The following GPHN variants were observed in gnomAD, a reference collection of about 807,000 sequenced individuals.
The protein encoded by GPHN is gephyrin.
GPHN carries 17 observed loss-of-function variants against 95.5 expected under a neutral mutation model. The observed-to-expected ratio is 0.18, with a 90% CI of 0.12 to 0.27. The LOEUF is 0.27. Among genes scored for constraint, GPHN ranks in the 10% least tolerant of loss-of-function variants. The probability of loss-of-function intolerance (pLI) is 1.00; values close to 1 mark genes in which losing one functional copy is unlikely to be tolerated. For synonymous variants in GPHN, 320 were observed against 322.5 expected (o/e 0.99, Z 0.08); for missense variants, 660 against 978.1 (o/e 0.67, Z 4.34).
chr14:67,325,803 T>C, the GPHN span, among the ~76,000 whole-genome samples: 5 of 148,644 alleles, frequency 3.4e-5, no homozygotes, highest in African/African-American at 1.3e-4. Flanking sequence ...ATGTTAAACA[T>C]GTTAAGCATC....
chr14:67,037,797 A>G (rs2074497066), intron 10 of GPHN, among the ~76,000 whole-genome samples: 1 of 151,908 alleles, frequency 6.6e-6, no homozygotes. Context: ...AAAAAATAGA[A>G]AATAACAAGT....
At chr14:67,384,329 T>G in the GPHN span, 3 of 152,136 alleles carry the variant, frequency 2.0e-5, no homozygotes, top group Non-Finnish European at 2.9e-5. Context: ...CTCCAGTTCT[T>G]TATAACAAAA....
the GPHN span, among the ~76,000 whole-genome samples, chr14:67,368,860 A>G: frequency 0.08 from 12,237 of 152,202 alleles, 1,157 homozygotes; most frequent in African/African-American, 0.23. Context: ...ATCTCTAGAA[A>G]TAAGTAAGTA....
chr14:67,555,459 A>G, the GPHN span, among the ~76,000 whole-genome samples: 1 of 152,128 alleles, frequency 6.6e-6, no homozygotes. Flanking sequence ...CTTCGACCCA[A>G]TGCTGAGAGG....
At chr14:67,439,537 C>CTTTCTTTCTT in the GPHN span, among the ~76,000 whole-genome samples, 268 of 43,034 alleles carry the variant, frequency 6.2e-3, 2 homozygotes, top group African/African-American at 0.032. Flanking sequence ...TCAATAGTTT[C>CTTTCTTTCTT]TTTCTTTCTT....
In GPHN at chr14:66,673,369, G is replaced by T. The variant is rs112472564; in HGVS notation, c.65-7738G>T. Reference sequence around the variant, plus strand: ...GGCCTCCCAAAGTGCCGGAAATACAGGTGTGAGCCACCACGCCCTGCCTGT... The same window carrying T: ...GGCCTCCCAAAGTGCCGGAAATACATGTGTGAGCCACCACGCCCTGCCTGT... On this transcript the variant is annotated intron_variant, in intron 1 of 22. Transcript: ENST00000478722. Among the ~76,000 whole-genome samples the T allele has an allele frequency of 3.7e-3, 556 of 152,090 alleles. 12 individuals carry two copies. The highest frequency in any genetic ancestry group is 0.013 in the African/African-American group (530 of 41,480).
At chr14:67,259,463 T>C in the GPHN span, among the ~76,000 whole-genome samples, 1 of 151,726 alleles carries the variant, frequency 6.6e-6, no homozygotes, top group Admixed American at 6.6e-5. Context: ...ATATAAAAAA[T>C]CAGCCGGGTG....
intron 1 of GPHN, among the ~76,000 whole-genome samples, chr14:66,596,560 T>C (rs933896612): frequency 1.3e-5 from 2 of 152,142 alleles, no homozygotes; most frequent in African/African-American, 4.8e-5. Flanking sequence ...GGCTGGTGTG[T>C]CATAGCTGCC....
chr14:67,166,843 T>G (rs1270946742), intron 20 of GPHN, among the ~76,000 whole-genome samples: 1 of 152,188 alleles, frequency 6.6e-6, no homozygotes, highest in Non-Finnish European at 1.5e-5. Context: ...CTAATTTTTG[T>G]ATTTTTTGTA....
At chr14:67,376,715 G>A in the GPHN span, 3 of 965,098 alleles carry the variant, frequency 3.1e-6, no homozygotes, top group Non-Finnish European at 4.6e-6. Context: ...GTATTGGCCA[G>A]TAAATGGGCC....
Position 66,776,503 on chromosome 14 carries a change from T to G in GPHN, c.183T>G (p.Asp61Glu), listed in dbSNP as rs1342950846. The change falls in exon 3 of 23, where the codon GAT (aspartate) becomes GAG (glutamate). Residue 61 changes from aspartate to glutamate, a missense_variant. Physicochemically the swap from Asp to Glu is conservative, Grantham distance 45. Transcript: ENST00000478722. ...GTISAYKIVP[D>E]EIEEIKETLI... ...TATCAGCATACAAGATAGTACCAGA[T>G]GAAATAGAAGAAATCAAGGTATAGT... is the stretch of plus-strand genomic sequence containing the variant. 6.3e-7 allele frequency: 1 copy of G among 1,578,240 alleles called. No homozygotes were observed. The highest frequency in any genetic ancestry group is 8.7e-7 in the Non-Finnish European group (1 of 1,148,658).
chr14:66,521,588 C>T (rs2139816074), intron 1 of GPHN, among the ~76,000 whole-genome samples: 1 of 152,256 alleles, frequency 6.6e-6, no homozygotes, highest in East Asian at 1.9e-4. Context: ...GGGCCTGTTC[C>T]TCAGGGACAA....
chr14:67,095,706 A>G (rs570482160), intron 12 of GPHN, among the ~76,000 whole-genome samples: 1 of 151,870 alleles, frequency 6.6e-6, no homozygotes, highest in East Asian at 1.9e-4. Context: ...GCATGTTCTC[A>G]CTCATAGATG....
the GPHN span, among the ~76,000 whole-genome samples, chr14:67,706,773 A>C: frequency 6.6e-6 from 1 of 152,030 alleles, no homozygotes; most frequent in African/African-American, 2.4e-5. Context: ...TCCACCCTTT[A>C]AAAAAAATCT....
At chr14:67,169,400 G>A (rs532970510) in intron 21 of GPHN, among the ~76,000 whole-genome samples, 2 of 152,156 alleles carry the variant, frequency 1.3e-5, no homozygotes, top group Non-Finnish European at 2.9e-5. Context: ...CAAACTCAGA[G>A]GGACAGCAAT....
chr14:67,279,487 C>T, the GPHN span: 1 of 1,586,152 alleles, frequency 6.3e-7, no homozygotes, highest in Non-Finnish European at 8.6e-7. Context: ...ATGTTTGATA[C>T]AGAGGAAGGA....
At chr14:67,282,745 C>G in the GPHN span, among the ~76,000 whole-genome samples, 1 of 152,062 alleles carries the variant, frequency 6.6e-6, no homozygotes, top group African/African-American at 2.4e-5. Flanking sequence ...GTTTTTAAAG[C>G]TTGCTTTGTT....
the GPHN span, among the ~76,000 whole-genome samples, chr14:67,382,921 G>GTT: frequency 2.6e-5 from 4 of 151,988 alleles, no homozygotes; most frequent in African/African-American, 9.7e-5. Flanking sequence ...GTGTGTGTGT[G>GTT]TGTGTGTTAT....
chr14:67,581,027 G>A, the GPHN span: 2 of 1,608,764 alleles, frequency 1.2e-6, no homozygotes, highest in Non-Finnish European at 1.7e-6. Flanking sequence ...TGAAGCTGAT[G>A]TACAAGAACA....
Sources: gnomAD v4.1 joint callset for allele counts (sites outside exome capture counted in the v4.1 genomes callset) on GRCh38, gnomAD v4.1.1 for gene constraint, MANE v1.5 for transcripts, NCBI Gene and HGNC (gene_info 2026-07-23, HGNC 2026-07-21) for gene names.